The following SEM1 variants were observed in gnomAD, a reference collection of about 807,000 sequenced individuals.
The protein encoded by SEM1 is SEM1 26S proteasome subunit.
Under a neutral mutation model 12.7 loss-of-function variants are expected in SEM1, and 3 were observed. That is an observed-to-expected ratio of 0.24 (90% CI 0.11 to 0.61). The LOEUF (loss-of-function observed/expected upper bound fraction) is 0.61. SEM1 is among the 20% of genes least tolerant of loss of function. The pLI is 0.88. For missense variants in SEM1, 59 were observed against 81.3 expected, an observed-to-expected ratio of 0.73 and a Z score of 1.06; for synonymous variants, 30 against 27.8, an observed-to-expected ratio of 1.08 and a Z score of -0.25.
intron 1 of SEM1, among the ~76,000 whole-genome samples, chr7:96,489,718 G>T (rs963065467): frequency 6.6e-6 from 1 of 152,166 alleles, no homozygotes; most frequent in African/African-American, 2.4e-5. Flanking sequence ...CTGGGAGGGG[G>T]CTGATTGTAG....
At chr7:96,555,154 G>T (rs536996150) in intron 2 of SEM1, among the ~76,000 whole-genome samples, 1 of 108,120 alleles carries the variant, frequency 9.2e-6, no homozygotes, top group African/African-American at 2.5e-5. Context: ...ACCAGCTCCT[G>T]GATTCATTAA....
intron 2 of SEM1, among the ~76,000 whole-genome samples, chr7:96,658,164 G>A (rs2116498595): frequency 6.6e-6 from 1 of 152,224 alleles, no homozygotes; most frequent in East Asian, 1.9e-4. Flanking sequence ...GTGATTCAGT[G>A]GCCTGCAACT....
At chr7:96,565,522 T>C (rs1160708439) in intron 2 of SEM1, among the ~76,000 whole-genome samples, 2 of 151,810 alleles carry the variant, frequency 1.3e-5, no homozygotes, top group African/African-American at 2.4e-5. Context: ...TCAACAGAGG[T>C]GTTTTTTATG....
At chr7:96,515,838 G>T (rs1337919958) in intron 2 of SEM1, among the ~76,000 whole-genome samples, 1 of 152,032 alleles carries the variant, frequency 6.6e-6, no homozygotes, top group African/African-American at 2.4e-5. Flanking sequence ...AGAACACAGG[G>T]ACGCAGGGCA....
At chr7:96,661,753 C>T (rs1158087729) in intron 2 of SEM1, among the ~76,000 whole-genome samples, 3 of 151,910 alleles carry the variant, frequency 2.0e-5, no homozygotes, top group East Asian at 3.9e-4. Context: ...TTTGGGAGGC[C>T]GAGGCGGGCA....
At chr7:96,644,950 A>G (rs1272552707) in intron 2 of SEM1, among the ~76,000 whole-genome samples, 1 of 152,158 alleles carries the variant, frequency 6.6e-6, no homozygotes, top group African/African-American at 2.4e-5. Flanking sequence ...AAGAGTTTTT[A>G]TATACTATTT....
rs1808888876 is a variant in SEM1, at chr7:96,649,105, G to C, written c.171-26462C>G. On this transcript the variant is annotated intron_variant, in intron 2 of 2. Transcript: ENST00000417009. ...CACTGAAGATGCTCTGGGTGGCACA[G>C]CTTTGTGTCTACCCTAATTCATTTG... 4 of 152,344 alleles carry C rather than the reference G, an allele frequency of 2.6e-5. No individual in the cohort carries two copies. In the South Asian group the frequency reaches 8.3e-4, roughly 32 times the overall value. 9.4% of individuals were successfully genotyped at this position (152,344 alleles called of 1,614,324 possible).
At chr7:96,681,557 T>C (rs1789612460) in intron 2 of SEM1, among the ~76,000 whole-genome samples, 1 of 152,162 alleles carries the variant, frequency 6.6e-6, no homozygotes, top group Non-Finnish European at 1.5e-5. Context: ...GAGTTAATTT[T>C]TGTGTAAGGT....
intron 2 of SEM1, among the ~76,000 whole-genome samples, chr7:96,652,208 T>TAAAAA (rs1809019369): frequency 1.3e-5 from 2 of 152,186 alleles, no homozygotes; most frequent in African/African-American, 2.4e-5. Flanking sequence ...TATATTGAAA[T>TAAAAA]AATATTTATT....
intron 1 of SEM1, chr7:96,708,292 C>T (rs1003534764): frequency 1.3e-5 from 2 of 152,160 alleles, no homozygotes; most frequent in African/African-American, 4.8e-5. Flanking sequence ...ATAATTAATT[C>T]CAGAACTGAA....
intron 2 of SEM1, among the ~76,000 whole-genome samples, chr7:96,591,813 G>GTT (rs71127462): frequency 0.096 from 14,082 of 146,490 alleles, 870 homozygotes; most frequent in Non-Finnish European, 0.14. Flanking sequence ...AGGCAATGGA[G>GTT]TTTTTTTTTT....
intron 2 of SEM1, among the ~76,000 whole-genome samples, chr7:96,511,650 G>A (rs1026227746): frequency 7.2e-5 from 11 of 152,142 alleles, no homozygotes; most frequent in African/African-American, 2.4e-5. Context: ...TTTGTGAAAA[G>A]AGGAGTAATT....
At chr7:96,665,037 G>A (rs1789132911) in intron 2 of SEM1, among the ~76,000 whole-genome samples, 1 of 152,060 alleles carries the variant, frequency 6.6e-6, no homozygotes. Flanking sequence ...AATCCCACAC[G>A]TGTTCAGTGG....
chr7:96,514,536 A>C (rs1055141040), intron 2 of SEM1, among the ~76,000 whole-genome samples: 2 of 152,076 alleles, frequency 1.3e-5, no homozygotes, highest in Admixed American at 1.3e-4. Context: ...TTGACAAAAA[A>C]CCTCCATAAT....
exon 4 of SEM1, chr7:96,482,459 T>C (rs1324659535): frequency 6.6e-6 from 1 of 152,196 alleles, no homozygotes; most frequent in Non-Finnish European, 1.5e-5. Context: ...GAGAAACTAC[T>C]GCTAACATTT....
At chr7:96,570,920 T>C (rs1298009454) in intron 2 of SEM1, among the ~76,000 whole-genome samples, 1 of 152,126 alleles carries the variant, frequency 6.6e-6, no homozygotes, top group Non-Finnish European at 1.5e-5. Context: ...GGTATCTTAC[T>C]GTGGTTTTGA....
chr7:96,499,804 A>G (rs1803449116), upstream of SEM1, among the ~76,000 whole-genome samples: 1 of 152,190 alleles, frequency 6.6e-6, no homozygotes. Context: ...ATATCAGGAA[A>G]CAATTCCTAC....
intron 2 of SEM1, among the ~76,000 whole-genome samples, chr7:96,593,380 C>A (rs1347806815): frequency 6.6e-6 from 1 of 152,102 alleles, no homozygotes; most frequent in Non-Finnish European, 1.5e-5. Context: ...TAAATATAAC[C>A]TTTTCCAGAG....
At chr7:96,705,525 G>A (rs1790425857) in intron 1 of SEM1, among the ~76,000 whole-genome samples, 1 of 152,062 alleles carries the variant, frequency 6.6e-6, no homozygotes, top group African/African-American at 2.4e-5. Context: ...TGGAAAAGTA[G>A]TCAACGTTTT....
Sources: allele counts gnomAD v4.1 joint callset (sites outside exome capture counted in the v4.1 genomes callset), GRCh38; gene constraint gnomAD v4.1.1; transcripts MANE v1.5; gene names NCBI Gene and HGNC (gene_info 2026-07-23, HGNC 2026-07-21).